Variants in SORCS1 observed in about 807,000 individuals in gnomAD.
The protein encoded by SORCS1 is VPS10 domain-containing receptor SorCS1.
A neutral mutation model predicts 146.1 loss-of-function variants in SORCS1; 60 were observed. That is an observed-to-expected ratio of 0.41 (90% CI 0.33 to 0.51). SORCS1 has a LOEUF of 0.51. SORCS1 is among the 20% of genes least tolerant of loss of function. The pLI, the probability that SORCS1 is intolerant of heterozygous loss-of-function variation, is 0.21. For synonymous variants in SORCS1, 637 were observed against 584.0 expected (o/e 1.09, Z -1.31); for missense variants, 1,352 against 1,487.6 (o/e 0.91, Z 1.50).
intron 18 of SORCS1, 130 bp from the exon 19 acceptor site, chr10:106,629,518 A>G: frequency 1.2e-6 from 1 of 816,582 alleles, no homozygotes; most frequent in Non-Finnish European, 1.9e-6. Flanking sequence ...TCCTACAGCT[A>G]GGAGCATCTG....
intron 1 of SORCS1, among the ~76,000 whole-genome samples, chr10:107,153,990 G>A (rs1022412195): frequency 2.1e-5 from 3 of 142,608 alleles, no homozygotes; most frequent in Non-Finnish European, 4.6e-5. Flanking sequence ...ACTATTTCCA[G>A]TATATTTCTT....
intron 4 of SORCS1, among the ~76,000 whole-genome samples, chr10:106,767,784 C>A (rs1489157798): frequency 6.6e-6 from 1 of 152,272 alleles, no homozygotes; most frequent in South Asian, 2.1e-4. Flanking sequence ...AGCCACCACG[C>A]CCGGCCCCTT....
intron 2 of SORCS1, among the ~76,000 whole-genome samples, chr10:106,940,565 A>G (rs978311495): frequency 3.9e-5 from 6 of 152,216 alleles, no homozygotes; most frequent in Non-Finnish European, 2.9e-5. Context: ...CTTCTTTTTA[A>G]GAAGCCATTC....
At chr10:106,823,573 T>G (rs1433910033) in intron 3 of SORCS1, among the ~76,000 whole-genome samples, 2 of 152,188 alleles carry the variant, frequency 1.3e-5, no homozygotes, top group Non-Finnish European at 2.9e-5. Context: ...AATCCTATGC[T>G]CGGCACGTTA....
chr10:107,152,036 T>C (rs1968848151), intron 1 of SORCS1, among the ~76,000 whole-genome samples: 1 of 152,184 alleles, frequency 6.6e-6, no homozygotes, highest in African/African-American at 2.4e-5. Context: ...CCCACTGCTC[T>C]GTGCAGCCTC....
intron 2 of SORCS1, among the ~76,000 whole-genome samples, chr10:106,921,895 A>G (rs1952730488): frequency 6.6e-6 from 1 of 152,158 alleles, no homozygotes; most frequent in South Asian, 2.1e-4. Context: ...CTAGGGTCTG[A>G]CCTCATATAA....
chr10:107,126,520 A>C (rs898155404), intron 1 of SORCS1, among the ~76,000 whole-genome samples: 1 of 152,214 alleles, frequency 6.6e-6, no homozygotes, highest in Non-Finnish European at 1.5e-5. Flanking sequence ...CCTTTAAAAG[A>C]GAAGAACCTT....
chr10:107,086,781 G>T (rs1963795018), intron 1 of SORCS1, among the ~76,000 whole-genome samples: 1 of 152,216 alleles, frequency 6.6e-6, no homozygotes, highest in Non-Finnish European at 1.5e-5. Flanking sequence ...TGTAATCCCA[G>T]CACTTTGGGA....
intron 5 of SORCS1, among the ~76,000 whole-genome samples, chr10:106,734,980 T>A (rs534421836): frequency 6.6e-6 from 1 of 151,954 alleles, no homozygotes; most frequent in African/African-American, 2.4e-5. Context: ...ACCCCGTCTC[T>A]ACTAAAAGTA....
chr10:106,585,122 G>A (rs543117323), intron 24 of SORCS1, among the ~76,000 whole-genome samples: 1 of 151,948 alleles, frequency 6.6e-6, no homozygotes, highest in Admixed American at 6.6e-5. Flanking sequence ...TACTCGGGAG[G>A]TTGAGGCAGG....
intron 5 of SORCS1, among the ~76,000 whole-genome samples, chr10:106,736,705 T>C (rs1856974118): frequency 7.1e-6 from 1 of 139,872 alleles, no homozygotes; most frequent in Non-Finnish European, 1.6e-5. Flanking sequence ...CACGGGCAAA[T>C]GGGCCAGATA....
chr10:106,592,591 C>A (rs772404910), intron 24 of SORCS1, among the ~76,000 whole-genome samples: 1 of 152,140 alleles, frequency 6.6e-6, no homozygotes, highest in Non-Finnish European at 1.5e-5. Context: ...TGGGATGCAA[C>A]AGCATGTTGT....
chr10:106,729,172 G>A (rs1419832952), intron 6 of SORCS1, among the ~76,000 whole-genome samples: 2 of 152,106 alleles, frequency 1.3e-5, no homozygotes, highest in Non-Finnish European at 2.9e-5. Flanking sequence ...ACCTGAATAG[G>A]CTCTGTGAGA....
chr10:106,851,627 T>A (rs1036788203), intron 2 of SORCS1, among the ~76,000 whole-genome samples: 2 of 152,238 alleles, frequency 1.3e-5, no homozygotes, highest in African/African-American at 4.8e-5. Context: ...AGTCTTGAAG[T>A]CAGGCAGTGA....
rs142642452 is a variant in SORCS1 at position 106,958,931 on chromosome 10, CCCA to C, written c.559-2354_559-2352del. Among the ~76,000 whole-genome samples, 1,160 of 152,228 alleles carry C rather than the reference CCCA, an allele frequency of 7.6e-3. 11 individuals are homozygous for C. Among genetic ancestry groups the C allele is most frequent in the African/African-American group, 0.027 (1,108 of 41,532 alleles). On this transcript the variant is annotated intron_variant, in intron 1 of 25. Transcript: ENST00000263054. ...TTTTGCCGAATAAGCCTATAAATCC[CCCA>C]CCAAGAAAATAGGGGTGTGGGCATA...
At chr10:106,847,807 A>G (rs1320778414) in intron 2 of SORCS1, among the ~76,000 whole-genome samples, 2 of 131,896 alleles carry the variant, frequency 1.5e-5, no homozygotes, top group South Asian at 2.7e-4. Context: ...TTGGTTTCAA[A>G]GAACATCTTT....
intron 6 of SORCS1, among the ~76,000 whole-genome samples, chr10:106,725,629 C>T (rs946112785): frequency 2.0e-5 from 3 of 151,608 alleles, no homozygotes; most frequent in Non-Finnish European, 4.4e-5. Context: ...CAGAGGATCT[C>T]AATTAGGAAA....
intron 4 of SORCS1, among the ~76,000 whole-genome samples, chr10:106,768,360 C>T (rs1859736105): frequency 6.6e-6 from 1 of 152,138 alleles, no homozygotes; most frequent in Admixed American, 6.5e-5. Context: ...AATGCAGTGC[C>T]TTGGGGAAAC....
At chr10:106,665,863 G>C (rs1851095054) in intron 17 of SORCS1, among the ~76,000 whole-genome samples, 1 of 152,104 alleles carries the variant, frequency 6.6e-6, no homozygotes, top group African/African-American at 2.4e-5. Flanking sequence ...TTTTGAGACA[G>C]AGTCTCACTC....
Sources: gnomAD v4.1 joint callset for allele counts (sites outside exome capture counted in the v4.1 genomes callset) on GRCh38, gnomAD v4.1.1 for gene constraint, MANE v1.5 for transcripts, NCBI Gene and HGNC (gene_info 2026-07-23, HGNC 2026-07-21) for gene names.